GLI3: variants seen among roughly 807,000 people sequenced by gnomAD.
GLI3 encodes the protein GLI family zinc finger 3, also known as transcription activator GLI3.
In GLI3, 20 loss-of-function variants were observed where a neutral mutation model predicts 100.8. That is an observed-to-expected ratio of 0.20 (90% CI 0.14 to 0.29). The LOEUF (loss-of-function observed/expected upper bound fraction) is 0.29, where lower values mean the gene tolerates loss of function less well. Among genes scored for constraint, GLI3 ranks in the 10% least tolerant of loss-of-function variants. GLI3 has a pLI of 1.00. For missense variants in GLI3, 2,040 were observed against 2,128.5 expected (o/e 0.96, Z 0.82); for synonymous variants, 938 against 860.5 (o/e 1.09, Z -1.58).
chr7:42,191,865 G>A (rs75251880), intron 2 of GLI3, among the ~76,000 whole-genome samples: 2,826 of 152,198 alleles, frequency 0.019, 94 homozygotes, highest in African/African-American at 0.065. Context: ...AGAACCAGTA[G>A]TAGGTTCTGG....
intron 4 of GLI3, among the ~76,000 whole-genome samples, chr7:42,051,729 C>T (rs1784356602): frequency 6.6e-6 from 1 of 152,108 alleles, no homozygotes; most frequent in African/African-American, 2.4e-5. Flanking sequence ...AGCTGTAGTA[C>T]AGAGATTTCC....
rs73088696 is a variant in GLI3, at chr7:42,099,636, C to T, written c.368-22779G>A. On this transcript the variant is annotated intron_variant, in intron 3 of 14. Coordinates refer to ENST00000395925, the MANE Select transcript of GLI3 (RefSeq NM_000168.6). ...ACAGCTCACTGCAGCTGCGACCTCC[C>T]GAACTCAAGTGATTCTCCTGAGTAG... Among the ~76,000 whole-genome samples the T allele has an allele frequency of 1.8e-3, 281 of 152,204 alleles. 1 individual carries two copies. Among genetic ancestry groups the T allele is most frequent in the Admixed American group, 2.7e-3 (42 of 15,298 alleles).
intron 10 of GLI3, among the ~76,000 whole-genome samples, chr7:41,984,196 T>A (rs750597917): frequency 7.9e-5 from 12 of 152,210 alleles, no homozygotes; most frequent in Non-Finnish European, 1.5e-4. Context: ...GCAAAATAGA[T>A]GCCACAATGG....
intron 10 of GLI3, among the ~76,000 whole-genome samples, chr7:42,018,096 C>T (rs1788821486): frequency 6.6e-6 from 1 of 152,156 alleles, no homozygotes. Context: ...ACCACACAGC[C>T]CTCACACACC....
intron 10 of GLI3, among the ~76,000 whole-genome samples, chr7:42,006,322 AG>A (rs1788460152): frequency 6.6e-6 from 1 of 152,050 alleles, no homozygotes; most frequent in Non-Finnish European, 1.5e-5. Context: ...TCAGCTCTGG[AG>A]TGAGGCTCAG....
rs752529841 is a variant in GLI3 at position 41,967,836 on chromosome 7, G to A, written c.2191C>T (p.Pro731Ser). The A allele has an allele frequency of 6.2e-7, 1 of 1,614,140 alleles. No individual in the cohort carries two copies. ...CCTATACTACCTCCATCGGTCAGAG[G>A]AAGCTCGAGCCCACTGTTGGAATAG... Reference protein sequence around the residue: ...SNYSNSGLELPLTDGGSIGDL... With the variant: ...SNYSNSGLELSLTDGGSIGDL... Residue 731 changes from proline (P) to serine (S), a missense_variant, in exon 14 of 15, where the codon CCT becomes TCT. This residue lies in a region of GLI3 where 327 missense variants were observed against 338.7 expected (regional missense o/e 0.97). Transcript: ENST00000395925.
At chr7:42,205,486 A>G (rs1256467891) in intron 2 of GLI3, among the ~76,000 whole-genome samples, 1 of 152,212 alleles carries the variant, frequency 6.6e-6, no homozygotes, top group Non-Finnish European at 1.5e-5. Flanking sequence ...AAAAGTCACC[A>G]AACAACAGAT....
chr7:42,255,457 C>T (rs188931700), intron 1 of GLI3, among the ~76,000 whole-genome samples: 6 of 152,262 alleles, frequency 3.9e-5, no homozygotes, highest in African/African-American at 1.4e-4. Flanking sequence ...AAAGAAAAAT[C>T]CCTCATGTCT....
chr7:41,985,130 ATTCATGCCTTTGCTACATTTCTC>A (rs1454770917), intron 10 of GLI3, among the ~76,000 whole-genome samples: 4 of 152,244 alleles, frequency 2.6e-5, no homozygotes, highest in Admixed American at 6.5e-5. Context: ...TGTATTTCCA[ATTCATGCCTTTGCTACATTTCTC>A]TCTCTTGAAC....
intron 3 of GLI3, among the ~76,000 whole-genome samples, chr7:42,119,899 C>T (rs369748006): frequency 6.6e-6 from 1 of 152,112 alleles, no homozygotes; most frequent in Non-Finnish European, 1.5e-5. Context: ...TGAAATAAAA[C>T]TTGACAGCCC....
intron 10 of GLI3, among the ~76,000 whole-genome samples, chr7:41,989,943 C>T (rs544218799): frequency 1.1e-4 from 16 of 142,386 alleles, no homozygotes; most frequent in African/African-American, 4.3e-4. Context: ...GCTGAGATTG[C>T]ACCACTGCAC....
chr7:42,091,838 A>T (rs912808355), intron 3 of GLI3, among the ~76,000 whole-genome samples: 2 of 152,182 alleles, frequency 1.3e-5, no homozygotes, highest in Non-Finnish European at 2.9e-5. Context: ...TCCCTCCACA[A>T]AGCAGATATG....
intron 3 of GLI3, among the ~76,000 whole-genome samples, chr7:42,108,651 G>A (rs1785633066): frequency 6.6e-6 from 1 of 151,956 alleles, no homozygotes. Context: ...CAAAGTAAGA[G>A]GATAGGAAAT....
chr7:42,084,096 A>G (rs758425262), intron 3 of GLI3, among the ~76,000 whole-genome samples: 1 of 152,210 alleles, frequency 6.6e-6, no homozygotes, highest in Non-Finnish European at 1.5e-5. Flanking sequence ...CACTACTCAA[A>G]TAACAAGCTT....
intron 7 of GLI3, among the ~76,000 whole-genome samples, chr7:42,036,526 G>A (rs1349485350): frequency 4.6e-5 from 7 of 152,134 alleles, no homozygotes; most frequent in Non-Finnish European, 7.4e-5. Flanking sequence ...ATATGGAAAC[G>A]TCAAATAGTG....
At chr7:42,088,071 T>G (rs778538624) in intron 3 of GLI3, among the ~76,000 whole-genome samples, 12 of 152,232 alleles carry the variant, frequency 7.9e-5, no homozygotes, top group Non-Finnish European at 1.5e-4. Context: ...TCACATTTCT[T>G]GGCTCATGGG....
At chr7:42,100,633 T>C (rs2128761591) in intron 3 of GLI3, among the ~76,000 whole-genome samples, 1 of 151,676 alleles carries the variant, frequency 6.6e-6, no homozygotes, top group South Asian at 2.1e-4. Flanking sequence ...TCCCACCTAC[T>C]TGGGAGGCTG....
intron 7 of GLI3, among the ~76,000 whole-genome samples, chr7:42,039,234 A>G (rs955531465): frequency 2.6e-5 from 4 of 152,184 alleles, no homozygotes; most frequent in Admixed American, 6.5e-5. Flanking sequence ...CCTAAAATTC[A>G]TATGTTGGCT....
At chr7:42,009,355 TA>T (rs1788544655) in intron 10 of GLI3, among the ~76,000 whole-genome samples, 1 of 152,068 alleles carries the variant, frequency 6.6e-6, no homozygotes, top group African/African-American at 2.4e-5. Context: ...TTTATGATAA[TA>T]AAAATAGAGT....
Sources: allele counts gnomAD v4.1 joint callset (sites outside exome capture counted in the v4.1 genomes callset), GRCh38; gene constraint gnomAD v4.1.1; regional missense constraint gnomAD v4.1.1; transcripts MANE v1.5; gene names NCBI Gene and HGNC (gene_info 2026-07-23, HGNC 2026-07-21).